Variants in TVP23B observed in about 807,000 individuals in gnomAD.
TVP23B encodes the protein trans-golgi network vesicle protein 23 homolog B, also known as Golgi apparatus membrane protein TVP23 homolog B.
In TVP23B, 10 loss-of-function variants were observed where a neutral mutation model predicts 30.6. That is an observed-to-expected ratio of 0.33 (90% confidence interval 0.20 to 0.55). TVP23B has a LOEUF of 0.55. Among genes scored for constraint, TVP23B ranks in the 20% least tolerant of loss-of-function variants. TVP23B has a pLI of 0.91. For missense variants in TVP23B, 153 were observed against 243.2 expected, an observed-to-expected ratio of 0.63 and a Z score of 2.47; for synonymous variants, 67 against 83.1, an observed-to-expected ratio of 0.81 and a Z score of 1.06.
rs961440074 is a variant in TVP23B at position 18,806,354 on chromosome 17, A to C, written c.*787A>C. On this transcript the variant is annotated 3_prime_UTR_variant, in exon 7 of 7. Coordinates refer to ENST00000307767, the MANE Select transcript of TVP23B (RefSeq NM_016078.6). ...TTATTCTCATGTCATAATGAGAATA[A>C]TAATTTACATACTTGGCATAATAAA... 1.6e-6 allele frequency: 1 copy of C among 624,268 alleles called. No individual in the cohort carries two copies. Among genetic ancestry groups the C allele is most frequent in the African/African-American group, 2.0e-5 (1 of 50,512 alleles). 38.7% of individuals were successfully genotyped at this position (624,268 alleles called of 1,614,324 possible). A position where few individuals can be genotyped will look rare whatever the true frequency, so the allele number is the denominator to read the frequency against.
chr17:18,792,427 G>A (rs2036011938), intron 3 of TVP23B, among the ~76,000 whole-genome samples: 1 of 152,172 alleles, frequency 6.6e-6, no homozygotes, highest in African/African-American at 2.4e-5. Context: ...GATTTCAAAG[G>A]TCTGTTTTCT....
At chr17:18,797,411 T>C in intron 3 of TVP23B, 168 bp from the exon 4 acceptor site, 1 of 1,417,448 alleles carries the variant, frequency 7.1e-7, no homozygotes, top group Non-Finnish European at 9.5e-7. Flanking sequence ...ATTACCATTT[T>C]ACTTAATCAC....
At chr17:18,789,932 A>G (rs1370662087) in intron 2 of TVP23B, among the ~76,000 whole-genome samples, 2 of 152,202 alleles carry the variant, frequency 1.3e-5, no homozygotes. Context: ...TGAAATGTCC[A>G]GAATAGGCAA....
chr17:18,792,506 C>T (rs907701844), intron 3 of TVP23B, among the ~76,000 whole-genome samples: 1 of 152,106 alleles, frequency 6.6e-6, no homozygotes, highest in Non-Finnish European at 1.5e-5. Context: ...ACTTTATGCT[C>T]CAAAGTATTT....
intron 3 of TVP23B, chr17:18,796,558 AAACC>A (rs1395250047): frequency 1.3e-5 from 2 of 152,024 alleles, no homozygotes; most frequent in East Asian, 1.9e-4. Flanking sequence ...ACAAAAAACA[AAACC>A]AAACAAAAAA....
intron 1 of TVP23B, among the ~76,000 whole-genome samples, chr17:18,786,473 G>C (rs1330889942): frequency 6.6e-6 from 1 of 151,252 alleles, no homozygotes; most frequent in African/African-American, 2.4e-5. Context: ...GATTTGATGT[G>C]AAAAAGTCTC....
chr17:18,782,802 C>T (rs1487936368), intron 1 of TVP23B, among the ~76,000 whole-genome samples: 3 of 151,854 alleles, frequency 2.0e-5, no homozygotes, highest in Non-Finnish European at 4.4e-5. Flanking sequence ...TGGTCACTCT[C>T]GTGGCCATCT....
At position 18,781,616 on chromosome 17, in the gene TVP23B, C is replaced by A. The variant is rs2035809093; in HGVS notation, c.12+311C>A. On this transcript the variant is annotated intron_variant, in intron 1 of 6. Coordinates refer to ENST00000307767, the MANE Select transcript of TVP23B (RefSeq NM_016078.6). Reference sequence around the variant, plus strand: ...TTGCCGGGGTGGAGTTGAGGAGGAGCGGCCTGCGGGCCTCTTAGCTTCCTG... The same window carrying A: ...TTGCCGGGGTGGAGTTGAGGAGGAGAGGCCTGCGGGCCTCTTAGCTTCCTG... The A allele has an allele frequency of 9.7e-6, 4 of 412,126 alleles. No homozygotes were observed. The South Asian group carries it at 2.0e-4, about 20-fold the overall frequency. The allele number at this position is 412,126 out of a possible 1,614,324, so 25.5% of individuals were successfully genotyped here. A position where few individuals can be genotyped will look rare whatever the true frequency, so the allele number is the denominator to read the frequency against.
chr17:18,804,348 A>G, intron 6 of TVP23B, 82 bp downstream of exon 6: 4 of 1,473,192 alleles, frequency 2.7e-6, no homozygotes, highest in Non-Finnish European at 3.7e-6. Context: ...ACGCTCCTGA[A>G]CAGAAGTTTT....
At position 18,806,215 on chromosome 17, in the gene TVP23B, T is replaced by G; in HGVS notation, c.*648T>G. 1.1e-6 allele frequency: 1 copy of G among 928,886 alleles called. No homozygotes were observed. Among genetic ancestry groups the G allele is most frequent in the African/African-American group, 1.8e-5 (1 of 56,174 alleles). 57.5% of individuals were successfully genotyped at this position (928,886 alleles called of 1,614,324 possible). ...GTTAATATAAGTGGAATCATCATAG[T>G]TTAAGGAATACCCAGAGATTGCTGC... On this transcript the variant is annotated 3_prime_UTR_variant, in exon 7 of 7. Transcript: ENST00000307767.
At chr17:18,795,013 A>C (rs2036053043) in intron 3 of TVP23B, among the ~76,000 whole-genome samples, 1 of 137,646 alleles carries the variant, frequency 7.3e-6, no homozygotes, top group Non-Finnish European at 1.5e-5. Context: ...AGGCATCTCA[A>C]ATCTTTTTTT....
intron 3 of TVP23B, 147 bp downstream of exon 3, chr17:18,791,187 G>GTTTTTTTTTTTTTTTTTTAT (rs2035987661): frequency 9.2e-6 from 1 of 109,174 alleles, no homozygotes; most frequent in Non-Finnish European, 1.4e-5. Flanking sequence ...ATTGCATGTA[G>GTTTTTTTTTTTTTTTTTTAT]TTTTTTTTTT....
intron 3 of TVP23B, among the ~76,000 whole-genome samples, chr17:18,793,729 G>A (rs2036033895): frequency 6.6e-6 from 1 of 151,840 alleles, no homozygotes. Flanking sequence ...CAACTGTCAA[G>A]GAAGCTTAAA....
chr17:18,785,485 C>CA (rs914749184), intron 1 of TVP23B, among the ~76,000 whole-genome samples: 126 of 150,700 alleles, frequency 8.4e-4, no homozygotes, highest in African/African-American at 2.9e-3. Context: ...ATGAGTCTTT[C>CA]AAAGAGCAGG....
intron 5 of TVP23B, among the ~76,000 whole-genome samples, chr17:18,799,861 G>A (rs1249792281): frequency 6.6e-6 from 1 of 151,808 alleles, no homozygotes; most frequent in Non-Finnish European, 1.5e-5. Context: ...CCTATTTTGC[G>A]ATATAGATTC....
In TVP23B at chr17:18,804,079, G is replaced by A. The variant is rs1031119686; in HGVS notation, c.463-59G>A. 2.5e-6 allele frequency: 4 copies of A among 1,570,578 alleles called. No individual in the cohort carries two copies. The African/African-American group carries it at 4.1e-5, about 16-fold the overall frequency. ...GACAGTCTGCCTTGTCTCATTTATG[G>A]CACAGAGAAAGGTCAATTTCAGGCC... On this transcript the variant is annotated intron_variant, in intron 5 of 6. Coordinates refer to ENST00000307767, the MANE Select transcript of TVP23B (RefSeq NM_016078.6).
intron 5 of TVP23B, among the ~76,000 whole-genome samples, chr17:18,802,256 G>A (rs2036179484): frequency 6.6e-6 from 1 of 151,962 alleles, no homozygotes; most frequent in African/African-American, 2.4e-5. Context: ...AAAAATAAAT[G>A]GGTTAAGACC....
intron 4 of TVP23B, among the ~76,000 whole-genome samples, chr17:18,798,562 G>GACCA (rs1468486630): frequency 6.6e-6 from 1 of 152,088 alleles, no homozygotes; most frequent in African/African-American, 2.4e-5. Context: ...TCCTATCAGA[G>GACCA]ACCACTCTTT....
intron 3 of TVP23B, among the ~76,000 whole-genome samples, chr17:18,794,334 A>T (rs1215658773): frequency 6.6e-6 from 1 of 152,240 alleles, no homozygotes; most frequent in Admixed American, 6.5e-5. Context: ...CAAAGCACCT[A>T]CATTTTCTAC....
Sources: gnomAD v4.1 joint callset for allele counts (sites outside exome capture counted in the v4.1 genomes callset) on GRCh38, gnomAD v4.1.1 for gene constraint, MANE v1.5 for transcripts, NCBI Gene and HGNC (gene_info 2026-07-23, HGNC 2026-07-21) for gene names.